Variants in REPS2 observed in about 807,000 individuals in gnomAD.
REPS2 encodes ralBP1-associated Eps domain-containing protein 2.
Under a neutral mutation model 53.6 loss-of-function variants are expected in REPS2, and 23 were observed. That is an observed-to-expected ratio of 0.43 (90% CI 0.31 to 0.61). The LOEUF is 0.61. REPS2 is among the 20% of genes least tolerant of loss of function. The probability of loss-of-function intolerance (pLI) is 0.11; values close to 1 mark genes in which losing one functional copy is unlikely to be tolerated. For synonymous variants in REPS2, 238 were observed against 218.6 expected (o/e 1.09, Z -0.78); for missense variants, 446 against 534.9 (o/e 0.83, Z 1.64).
chrX:17,087,559 G>C (rs1369055769), intron 13 of REPS2, among the ~76,000 whole-genome samples: 1 of 112,216 alleles, frequency 8.9e-6, no homozygotes, highest in Non-Finnish European at 1.9e-5. Context: ...AGGAACTTTG[G>C]TGTGGAGAAG....
At chrX:17,154,877 G>A (rs1386689032), downstream of REPS2, among the ~76,000 whole-genome samples, 1 of 111,939 alleles carries the variant, frequency 8.9e-6, no homozygotes, top group Non-Finnish European at 1.9e-5. Flanking sequence ...AGAACACACA[G>A]GAGGGGTATT....
chrX:17,105,031 T>C (rs930472111), intron 14 of REPS2, among the ~76,000 whole-genome samples: 5 of 95,925 alleles, frequency 5.2e-5, no homozygotes, highest in Admixed American at 2.2e-4. Flanking sequence ...ATATTATCCC[T>C]TTTTTTTTTT....
rs749020183 is a variant in REPS2, at chrX:17,056,159, G to A, written c.1114+1209G>A. Among the ~76,000 whole-genome samples, 89 of 111,981 alleles carry A rather than the reference G, an allele frequency of 7.9e-4. 1 individual carries two copies. Among genetic ancestry groups the A allele is most frequent in the Non-Finnish European group, 1.3e-3 (70 of 53,139 alleles). ...AATGTGAGGAATAGGGCTGATCTGG[G>A]TAAGTGTGTATTACCTGTTTTTCTC... On this transcript the variant is annotated intron_variant, in intron 8 of 17. Transcript: ENST00000357277.
intron 12 of REPS2, among the ~76,000 whole-genome samples, 184 bp downstream of exon 12, chrX:17,074,343 C>T (rs111582872): frequency 0.025 from 2,849 of 112,204 alleles, 97 homozygotes; most frequent in African/African-American, 0.089. Context: ...GCCTTGGTTT[C>T]TGTGGTCATT....
At chrX:17,083,887 G>GT (rs201950170) in intron 13 of REPS2, among the ~76,000 whole-genome samples, 92 of 109,220 alleles carry the variant, frequency 8.4e-4, no homozygotes, top group East Asian at 4.3e-3. Context: ...TTGTTTTTTT[G>GT]TTTTTTTTAA....
chrX:17,023,965 G>A (rs2061605627), intron 3 of REPS2, among the ~76,000 whole-genome samples: 1 of 110,993 alleles, frequency 9.0e-6, no homozygotes, highest in African/African-American at 3.3e-5. Context: ...GACTAAGGGA[G>A]CCTATATATA....
At position 17,014,364 on chromosome X, in the gene REPS2, T is replaced by A. The variant is rs112277984; in HGVS notation, c.398-7759T>A. On this transcript the variant is annotated intron_variant, in intron 2 of 17. Transcript: ENST00000357277. ...GCCAGGAAATTGAACTTATCCACCA[T>A]CCTCCTCTGCCAAACATTTACAAGA... Among the ~76,000 whole-genome samples the A allele has an allele frequency of 4.7e-3, 521 of 111,696 alleles. 2 individuals carry two copies. Among genetic ancestry groups the A allele is most frequent in the African/African-American group, 0.016 (500 of 30,724 alleles).
At chrX:16,993,852 C>G (rs914964976) in intron 1 of REPS2, among the ~76,000 whole-genome samples, 1 of 112,720 alleles carries the variant, frequency 8.9e-6, no homozygotes, top group Non-Finnish European at 1.9e-5. Context: ...GTAACACAGT[C>G]CTGTTAATAA....
intron 8 of REPS2, among the ~76,000 whole-genome samples, chrX:17,058,738 G>A (rs2062110819): frequency 9.0e-6 from 1 of 111,092 alleles, no homozygotes; most frequent in Admixed American, 9.6e-5. Flanking sequence ...ATCATTTCTA[G>A]GGCTTGTGGG....
At chrX:16,980,749 A>C (rs2061011289) in intron 1 of REPS2, among the ~76,000 whole-genome samples, 1 of 112,417 alleles carries the variant, frequency 8.9e-6, no homozygotes, top group South Asian at 3.6e-4. Flanking sequence ...TAAAAATATA[A>C]TTCCTAAAAG....
At chrX:17,024,951 T>G in intron 3 of REPS2, 108 bp from the exon 4 acceptor site, 1 of 1,088,843 alleles carries the variant, frequency 9.2e-7, no homozygotes, top group Non-Finnish European at 1.3e-6. Context: ...CCCCCATTTG[T>G]TAAACCAGCT....
intron 13 of REPS2, among the ~76,000 whole-genome samples, chrX:17,102,227 G>A (rs2062818142): frequency 9.0e-6 from 1 of 110,640 alleles, no homozygotes; most frequent in Non-Finnish European, 1.9e-5. Context: ...GACTACAGGT[G>A]TGCACTACCA....
intron 6 of REPS2, among the ~76,000 whole-genome samples, chrX:17,048,468 A>G (rs2061937105): frequency 8.9e-6 from 1 of 112,699 alleles, no homozygotes; most frequent in African/African-American, 3.2e-5. Context: ...TATTTAGCCA[A>G]ATACAAACAG....
chrX:17,092,545 T>G (rs2062631057), intron 13 of REPS2, among the ~76,000 whole-genome samples: 1 of 110,548 alleles, frequency 9.0e-6, no homozygotes. Flanking sequence ...ATAAAAATTT[T>G]TGGCTGGACA....
intron 2 of REPS2, among the ~76,000 whole-genome samples, chrX:17,017,191 C>T (rs762201947): frequency 1.1e-4 from 12 of 111,531 alleles, no homozygotes; most frequent in African/African-American, 3.6e-4. Context: ...ACACTGGTCT[C>T]GAACTTCTGA....
the REPS2 span, among the ~76,000 whole-genome samples, chrX:17,186,769 A>C: frequency 1.0e-3 from 117 of 111,479 alleles, 1 homozygote; most frequent in African/African-American, 3.6e-3. Flanking sequence ...GGATTTTCTC[A>C]TAATTTTAGT....
intron 16 of REPS2, 195 bp downstream of exon 16, chrX:17,135,601 A>T (rs2063355623): frequency 4.8e-6 from 2 of 420,827 alleles, no homozygotes; most frequent in Non-Finnish European, 7.7e-6. Flanking sequence ...ACTTAACCTG[A>T]CCTAAAGGGG....
chrX:17,011,192 A>G (rs746346167), intron 2 of REPS2, among the ~76,000 whole-genome samples: 89 of 111,135 alleles, frequency 8.0e-4, no homozygotes, highest in African/African-American at 2.8e-3. Context: ...TGCCGACTCT[A>G]CATTTACACC....
chrX:17,135,110 C>T (rs1158951600), intron 15 of REPS2, 151 bp from the exon 16 acceptor site: 1 of 478,273 alleles, frequency 2.1e-6, no homozygotes, highest in Non-Finnish European at 3.4e-6. Flanking sequence ...TGCCTGTGTC[C>T]CCCCAGTTCT....
Sources: allele counts gnomAD v4.1 joint callset (sites outside exome capture counted in the v4.1 genomes callset), GRCh38; gene constraint gnomAD v4.1.1; transcripts MANE v1.5; gene names NCBI Gene and HGNC (gene_info 2026-07-23, HGNC 2026-07-21).